GRIK1: variants seen among roughly 807,000 people sequenced by gnomAD.
GRIK1 encodes glutamate receptor ionotropic, kainate 1.
Under a neutral mutation model 105.7 loss-of-function variants are expected in GRIK1, and 69 were observed. The ratio of observed to expected loss-of-function variants is 0.65; its 90% CI spans 0.54 to 0.80. GRIK1 has a LOEUF of 0.80. Among genes scored for constraint, GRIK1 ranks in the 30% least tolerant of loss-of-function variants. The pLI is 0.00. For synonymous variants in GRIK1, 438 were observed against 431.3 expected, an observed-to-expected ratio of 1.02 and a Z score of -0.19; for missense variants, 1,109 against 1,167.3, an observed-to-expected ratio of 0.95 and a Z score of 0.73.
intron 1 of GRIK1, among the ~76,000 whole-genome samples, chr21:29,895,363 T>C (rs939543070): frequency 6.6e-6 from 1 of 152,162 alleles, no homozygotes; most frequent in African/African-American, 2.4e-5. Context: ...TCAAAATCCT[T>C]GAGAATCACA....
intron 4 of GRIK1, among the ~76,000 whole-genome samples, chr21:29,666,207 C>T (rs1164954439): frequency 6.6e-6 from 1 of 152,142 alleles, no homozygotes; most frequent in East Asian, 1.9e-4. Flanking sequence ...AGTTTGAGAC[C>T]AGCCTGACCA....
intron 1 of GRIK1, among the ~76,000 whole-genome samples, chr21:29,789,631 C>A (rs2145814314): frequency 6.6e-6 from 1 of 152,268 alleles, no homozygotes; most frequent in Middle Eastern, 3.4e-3. Context: ...GCAATAGTAC[C>A]CCTTCCCTTA....
At chr21:29,878,935 T>A (rs946568908) in intron 1 of GRIK1, among the ~76,000 whole-genome samples, 2 of 152,186 alleles carry the variant, frequency 1.3e-5, no homozygotes, top group Non-Finnish European at 2.9e-5. Context: ...GATCTTGGAC[T>A]TCCCAGCCTC....
chr21:29,658,799 G>C (rs766862437), intron 4 of GRIK1, among the ~76,000 whole-genome samples: 1 of 152,286 alleles, frequency 6.6e-6, no homozygotes, highest in Non-Finnish European at 1.5e-5. Flanking sequence ...AGTCCCTTGG[G>C]CTTGGGTGGG....
At chr21:29,781,256 T>G (rs567565406) in intron 1 of GRIK1, among the ~76,000 whole-genome samples, 15 of 152,230 alleles carry the variant, frequency 9.9e-5, no homozygotes, top group Non-Finnish European at 1.9e-4. Flanking sequence ...GCTCCTTCCT[T>G]TTTTCCTTTC....
At chr21:29,581,791 T>A (rs2091028754) in intron 12 of GRIK1, among the ~76,000 whole-genome samples, 1 of 152,188 alleles carries the variant, frequency 6.6e-6, no homozygotes, top group Non-Finnish European at 1.5e-5. Context: ...ACTCCTCAGC[T>A]CTATGTCTAC....
At chr21:29,937,469 T>G (rs555793151) in intron 1 of GRIK1, among the ~76,000 whole-genome samples, 1 of 152,374 alleles carries the variant, frequency 6.6e-6, no homozygotes, top group South Asian at 2.1e-4. Context: ...TCATGTTGTT[T>G]GTTTTCACCT....
At chr21:29,854,400 G>A (rs2068399167) in intron 1 of GRIK1, among the ~76,000 whole-genome samples, 1 of 152,036 alleles carries the variant, frequency 6.6e-6, no homozygotes, top group African/African-American at 2.4e-5. Flanking sequence ...ATTTGGAGGG[G>A]ACAAATATCC....
intron 14 of GRIK1, among the ~76,000 whole-genome samples, chr21:29,573,118 G>T (rs2090794504): frequency 6.6e-6 from 1 of 152,040 alleles, no homozygotes; most frequent in Non-Finnish European, 1.5e-5. Flanking sequence ...CACAGGTAAG[G>T]GCTAGTGCAC....
chr21:29,769,585 C>T (rs148878119), intron 1 of GRIK1, among the ~76,000 whole-genome samples: 2 of 152,074 alleles, frequency 1.3e-5, no homozygotes, highest in African/African-American at 4.8e-5. Context: ...CTAATGTCCC[C>T]GCTGATCTGA....
chr21:29,725,170 T>C (rs77136747), intron 1 of GRIK1, among the ~76,000 whole-genome samples: 1,614 of 152,286 alleles, frequency 0.011, 30 homozygotes, highest in African/African-American at 0.037. Flanking sequence ...GTCACCATCT[T>C]CAACAGCATT....
chr21:29,617,901 T>C (rs1204874802), intron 7 of GRIK1, among the ~76,000 whole-genome samples: 2 of 152,226 alleles, frequency 1.3e-5, no homozygotes, highest in Non-Finnish European at 2.9e-5. Flanking sequence ...GTCTGTTTAT[T>C]CTTTATTGCT....
intron 1 of GRIK1, among the ~76,000 whole-genome samples, chr21:29,924,273 G>A (rs1023082024): frequency 6.0e-5 from 9 of 150,814 alleles, no homozygotes; most frequent in African/African-American, 1.7e-4. Context: ...GGAGGTGGAC[G>A]TTGCAGTGAG....
intron 1 of GRIK1, among the ~76,000 whole-genome samples, chr21:29,925,655 A>G (rs2071344636): frequency 6.6e-6 from 1 of 152,220 alleles, no homozygotes; most frequent in Admixed American, 6.5e-5. Flanking sequence ...GGAATAGTAC[A>G]GCAAACTTAG....
intron 4 of GRIK1, among the ~76,000 whole-genome samples, chr21:29,660,432 G>GT (rs1293688695): frequency 1.3e-5 from 2 of 152,184 alleles, no homozygotes; most frequent in Non-Finnish European, 2.9e-5. Flanking sequence ...CACACATGGA[G>GT]TTATCTTAAG....
At chr21:29,678,913 CT>C (rs2063323058) in intron 3 of GRIK1, among the ~76,000 whole-genome samples, 1 of 152,152 alleles carries the variant, frequency 6.6e-6, no homozygotes, top group African/African-American at 2.4e-5. Flanking sequence ...AAACTTCAGG[CT>C]TCTGTCAAGA....
intron 2 of GRIK1, among the ~76,000 whole-genome samples, chr21:29,691,026 A>G (rs374235092): frequency 6.6e-6 from 1 of 152,154 alleles, no homozygotes; most frequent in East Asian, 1.9e-4. Context: ...AAGCATTCCT[A>G]TAATATTAAA....
chr21:29,577,806 C>T (rs569998004), intron 13 of GRIK1, among the ~76,000 whole-genome samples: 31 of 152,240 alleles, frequency 2.0e-4, no homozygotes, highest in East Asian at 1.9e-4. Flanking sequence ...TTCTCTGCAA[C>T]GCATAATTTT....
intron 1 of GRIK1, among the ~76,000 whole-genome samples, chr21:29,694,599 A>G (rs1841096574): frequency 6.6e-6 from 1 of 152,210 alleles, no homozygotes. Flanking sequence ...TGGACTGTAT[A>G]CCATCTCTCA....
Sources: allele counts gnomAD v4.1 joint callset (sites outside exome capture counted in the v4.1 genomes callset), GRCh38; gene constraint gnomAD v4.1.1; transcripts MANE v1.5; gene names NCBI Gene and HGNC (gene_info 2026-07-23, HGNC 2026-07-21).